The following STPG2 variants were observed in gnomAD, a reference collection of about 807,000 sequenced individuals.
The protein encoded by STPG2 is sperm tail PG-rich repeat containing 2, also known as sperm-tail PG-rich repeat-containing protein 2.
In STPG2, 56 loss-of-function variants were observed where a neutral mutation model predicts 54.2. The observed-to-expected ratio is 1.03, with a 90% confidence interval of 0.83 to 1.29. The LOEUF (loss-of-function observed/expected upper bound fraction) is 1.29, where lower values mean the gene tolerates loss of function less well. STPG2 is among the 50% of genes most tolerant of loss of function. STPG2 has a pLI of 0.00. For missense variants in STPG2, 596 were observed against 544.9 expected, an observed-to-expected ratio of 1.09 and a Z score of -0.93; for synonymous variants, 200 against 181.8, an observed-to-expected ratio of 1.10 and a Z score of -0.81.
intron 4 of STPG2, among the ~76,000 whole-genome samples, chr4:97,454,436 C>T (rs1199747137): frequency 7.0e-6 from 1 of 142,996 alleles, no homozygotes; most frequent in Non-Finnish European, 1.5e-5. Flanking sequence ...TGGCGTGAAC[C>T]CGGGAAGCAG....
At chr4:98,039,781 T>C (rs1431772904) in intron 5 of STPG2, among the ~76,000 whole-genome samples, 2 of 151,826 alleles carry the variant, frequency 1.3e-5, no homozygotes, top group Non-Finnish European at 2.9e-5. Context: ...AGTGCTGTGA[T>C]AAATATATGT....
chr4:97,948,638 G>GTTC (rs1733342386), intron 7 of STPG2, among the ~76,000 whole-genome samples: 3 of 151,928 alleles, frequency 2.0e-5, no homozygotes, highest in African/African-American at 7.2e-5. Flanking sequence ...TCAAAGAACT[G>GTTC]TTTAATTTCC....
At chr4:97,867,165 C>A (rs895383426) in intron 8 of STPG2, among the ~76,000 whole-genome samples, 1 of 151,838 alleles carries the variant, frequency 6.6e-6, no homozygotes, top group African/African-American at 2.4e-5. Flanking sequence ...TCTGTTTAAG[C>A]CTTTTAGATT....
chr4:98,111,214 A>G (rs1451650828), intron 3 of STPG2, among the ~76,000 whole-genome samples: 2 of 152,106 alleles, frequency 1.3e-5, no homozygotes, highest in Admixed American at 1.3e-4. Context: ...AAAGGACCTC[A>G]TTACATTTGA....
chr4:98,082,372 GA>G (rs1283521895), intron 5 of STPG2, among the ~76,000 whole-genome samples: 1 of 147,812 alleles, frequency 6.8e-6, no homozygotes, highest in African/African-American at 2.5e-5. Flanking sequence ...TTCTTATCTG[GA>G]CTATTAAAGA....
intron 10 of STPG2, among the ~76,000 whole-genome samples, chr4:97,675,208 G>A (rs541199056): frequency 5.3e-5 from 8 of 152,126 alleles, no homozygotes; most frequent in South Asian, 2.1e-4. Flanking sequence ...TCTCCATGTC[G>A]GTCAAGCTGG....
intron 5 of STPG2, among the ~76,000 whole-genome samples, chr4:98,035,537 G>A (rs1327298818): frequency 6.6e-6 from 1 of 152,210 alleles, no homozygotes; most frequent in African/African-American, 2.4e-5. Flanking sequence ...AGACAGTATG[G>A]TGATTCCTCA....
At chr4:97,690,538 G>T (rs116747766) in intron 10 of STPG2, among the ~76,000 whole-genome samples, 102 of 152,036 alleles carry the variant, frequency 6.7e-4, no homozygotes, top group African/African-American at 2.4e-3. Flanking sequence ...GGGACAATCT[G>T]CTCCAAGGTC....
intron 10 of STPG2, among the ~76,000 whole-genome samples, chr4:97,664,007 G>A (rs1722450415): frequency 6.6e-6 from 1 of 152,074 alleles, no homozygotes; most frequent in African/African-American, 2.4e-5. Flanking sequence ...ATATGCATGG[G>A]TATGCTTGAT....
intron 10 of STPG2, among the ~76,000 whole-genome samples, chr4:97,645,229 A>C (rs1374261481): frequency 6.6e-6 from 1 of 151,978 alleles, no homozygotes; most frequent in Non-Finnish European, 1.5e-5. Flanking sequence ...TTTAAAAAAA[A>C]AAATCCCCAC....
At chr4:97,722,034 C>T (rs2149016647) in intron 9 of STPG2, among the ~76,000 whole-genome samples, 1 of 150,284 alleles carries the variant, frequency 6.7e-6, no homozygotes, top group East Asian at 1.9e-4. Flanking sequence ...ATCCTGATTG[C>T]TAATTATCAC....
At chr4:97,539,117 G>A (rs1204917066) in intron 4 of STPG2, among the ~76,000 whole-genome samples, 2 of 152,158 alleles carry the variant, frequency 1.3e-5, no homozygotes, top group African/African-American at 4.8e-5. Flanking sequence ...ATCAATGCTA[G>A]GAAGAAACTG....
At chr4:97,903,014 A>G (rs546336097) in intron 8 of STPG2, among the ~76,000 whole-genome samples, 1 of 152,310 alleles carries the variant, frequency 6.6e-6, no homozygotes, top group South Asian at 2.1e-4. Context: ...ATAGTCTTAA[A>G]AAGTCAAACT....
intron 9 of STPG2, among the ~76,000 whole-genome samples, chr4:97,770,246 A>T (rs1349221866): frequency 6.6e-6 from 1 of 152,110 alleles, no homozygotes; most frequent in African/African-American, 2.4e-5. Flanking sequence ...TGAAAAAAGT[A>T]CCACAGATAA....
chr4:97,538,524 A>C (rs1485997930), intron 4 of STPG2, among the ~76,000 whole-genome samples: 2 of 152,216 alleles, frequency 1.3e-5, no homozygotes, highest in African/African-American at 4.8e-5. Flanking sequence ...CAAAGCCTCC[A>C]AGAAATATGG....
At chr4:98,141,754 G>T (rs1369321380) in intron 1 of STPG2, among the ~76,000 whole-genome samples, 2 of 151,126 alleles carry the variant, frequency 1.3e-5, no homozygotes, top group South Asian at 4.1e-4. Context: ...TATTTGGCTC[G>T]GAATAAATCT....
At chr4:97,688,161 G>T (rs1723256160) in intron 10 of STPG2, among the ~76,000 whole-genome samples, 1 of 151,702 alleles carries the variant, frequency 6.6e-6, no homozygotes. Flanking sequence ...CTGAAAATCT[G>T]CTTTTTTTAA....
At chr4:97,601,145 C>T (rs1461423868) in intron 10 of STPG2, among the ~76,000 whole-genome samples, 1 of 151,894 alleles carries the variant, frequency 6.6e-6, no homozygotes, top group Non-Finnish European at 1.5e-5. Context: ...AAATAATGTG[C>T]CTTCGTATTT....
At chr4:97,543,462 G>GA (rs1454679332) in intron 4 of STPG2, among the ~76,000 whole-genome samples, 2 of 150,158 alleles carry the variant, frequency 1.3e-5, no homozygotes, top group South Asian at 2.1e-4. Context: ...TTCCTTACGG[G>GA]AAAAAAAATA....
Sources: gnomAD v4.1 joint callset for allele counts (sites outside exome capture counted in the v4.1 genomes callset) on GRCh38, gnomAD v4.1.1 for gene constraint, MANE v1.5 for transcripts, NCBI Gene and HGNC (gene_info 2026-07-23, HGNC 2026-07-21) for gene names.